Variants in TBC1D24 observed in about 807,000 individuals in gnomAD.
TBC1D24 encodes the protein Infantile myoclonic epilepsy.
A neutral mutation model predicts 50.7 loss-of-function variants in TBC1D24; 47 were observed. The ratio of observed to expected loss-of-function variants is 0.93; its 90% CI spans 0.73 to 1.18. The LOEUF is 1.18. Ranked by LOEUF, TBC1D24 falls within the 50% of genes most tolerant of loss-of-function variation. The pLI is 0.00. For missense variants in TBC1D24, 688 were observed against 766.5 expected (o/e 0.90, Z 1.21); for synonymous variants, 324 against 335.2 (o/e 0.97, Z 0.36).
rs1050982560 is a variant in TBC1D24 at position 2,492,207 on chromosome 16, C to T, written c.-115-3827C>T. 1.5e-4 allele frequency among the ~76,000 whole-genome samples: 23 copies of T among 152,028 alleles called. 1 individual carries two copies. The highest frequency in any genetic ancestry group is 1.4e-3 in the Admixed American group (21 of 15,246). ...TGTGCACAGCCCCAGAAATGTCGTG[C>T]GCTCTTTTTGAGTGAGGGTTTGGGG... On this transcript the variant is annotated intron_variant, in intron 1 of 7. Transcript: ENST00000646147.
Position 2,499,546 on chromosome 16 carries a change from G to T in TBC1D24, c.1206+126G>T. Reference sequence around the variant, plus strand: ...CCTGGGCCAGATCCAGAGTCAGAGCGTGGGTATGGCCAGCACATGGGGCTC... The same window carrying T: ...CCTGGGCCAGATCCAGAGTCAGAGCTTGGGTATGGCCAGCACATGGGGCTC... On this transcript the variant is annotated intron_variant, in intron 5 of 7. Coordinates refer to ENST00000646147, the MANE Select transcript of TBC1D24 (RefSeq NM_001199107.2). This position sits in a 1 kb window ranked among gnomAD's most constrained non-coding sequence, Gnocchi z 4.0. 1 of 882,398 alleles carries T rather than the reference G, an allele frequency of 1.1e-6. No homozygotes were observed. Among genetic ancestry groups the T allele is most frequent in the Non-Finnish European group, 1.8e-6 (1 of 545,520 alleles). 54.7% of individuals were successfully genotyped at this position (882,398 alleles called of 1,614,324 possible).
At position 2,496,453 on chromosome 16, in the gene TBC1D24, C is replaced by T; in HGVS notation, c.305C>T (p.Pro102Leu). The T allele has an allele frequency of 6.2e-7, 1 of 1,612,450 alleles. No homozygotes were observed. The highest frequency in any genetic ancestry group is 2.2e-5 in the East Asian group (1 of 44,886). Residue 102 changes from proline (P) to leucine (L), a missense_variant, in exon 2 of 8, where the codon CCC becomes CTC. Coordinates refer to ENST00000646147, the MANE Select transcript of TBC1D24 (RefSeq NM_001199107.2). ...LPEFVDNTQV[P>L]SYCLNARGEG... ...GAGTTCGTGGACAACACGCAGGTGC[C>T]CAGCTACTGCCTGAATGCACGCGGC... is the stretch of plus-strand genomic sequence containing the variant.
intron 1 of TBC1D24, among the ~76,000 whole-genome samples, chr16:2,491,573 G>A (rs995244301): frequency 9.4e-6 from 1 of 106,076 alleles, no homozygotes; most frequent in Non-Finnish European, 2.0e-5. Context: ...TTTTTTTTTT[G>A]AGATGGAGTC....
intron 1 of TBC1D24, among the ~76,000 whole-genome samples, chr16:2,493,161 CAG>C (rs1221952699): frequency 6.6e-6 from 1 of 151,864 alleles, no homozygotes; most frequent in East Asian, 2.0e-4. Flanking sequence ...TTGTTTGAGA[CAG>C]AGTCTTGCTC....
At position 2,486,455 on chromosome 16, in the gene TBC1D24, G is replaced by A. The variant is rs776126326; in HGVS notation, c.-115-9579G>A. ...GAGGTCCAGCCACACAGAACCCCGC[G>A]TCCTTGATAGCTTGTCAGCTGCTGG... is the stretch of plus-strand genomic sequence containing the variant. On this transcript the variant is annotated intron_variant, in intron 1 of 7. Transcript: ENST00000646147. The surrounding 1 kb of genome is among the most constrained non-coding windows in gnomAD (Gnocchi z 5.8). Among the ~76,000 whole-genome samples the A allele has an allele frequency of 3.0e-3, 461 of 152,352 alleles. 1 individual carries two copies. The highest frequency in any genetic ancestry group is 4.0e-3 in the Non-Finnish European group (270 of 68,032).
chr16:2,499,228 T>A lies in TBC1D24; in HGVS notation c.1143-129T>A, dbSNP rs1451787797. ...GAAGAACACCTGGGTGAGGGTGTTG[T>A]CGGGACCCAGAGAGAAGGAAGCACA... On this transcript the variant is annotated intron_variant, in intron 4 of 7. Coordinates refer to ENST00000646147, the MANE Select transcript of TBC1D24 (RefSeq NM_001199107.2). The surrounding 1 kb of genome is among the most constrained non-coding windows in gnomAD (Gnocchi z 4.0). 1.2e-6 allele frequency: 1 copy of A among 827,744 alleles called. No homozygotes were observed. Among genetic ancestry groups the A allele is most frequent in the Non-Finnish European group, 2.0e-6 (1 of 492,476 alleles). The allele number at this position is 827,744 out of a possible 1,614,324, so 51.3% of individuals were successfully genotyped here. A position where few individuals can be genotyped will look rare whatever the true frequency, so the allele number is the denominator to read the frequency against.
At position 2,503,732 on chromosome 16, in the gene TBC1D24, G is replaced by A. The variant is rs569630169; in HGVS notation, c.*2774G>A. The A allele has an allele frequency of 1.3e-5, 2 of 151,894 alleles. No individual in the cohort carries two copies. Among genetic ancestry groups the A allele is most frequent in the East Asian group, 3.9e-4 (2 of 5,176 alleles). 9.4% of individuals were successfully genotyped at this position (151,894 alleles called of 1,614,324 possible). ...CACCACGCCCAGCTAAATTTTTTTT[G>A]TATTTTTAGTAGAGGCAGGGTTTCA... is the stretch of plus-strand genomic sequence containing the variant. On this transcript the variant is annotated 3_prime_UTR_variant, in exon 8 of 8. Coordinates refer to ENST00000646147, the MANE Select transcript of TBC1D24 (RefSeq NM_001199107.2).
Position 2,482,709 on chromosome 16 carries a change from G to A in TBC1D24, c.-116+7539G>A, listed in dbSNP as rs1008181102. ...GGAGTGTGAATGTTGTGACTGTACC[G>A]GAGACACCTGGGAAGCAGCTGGAGG... On this transcript the variant is annotated intron_variant, in intron 1 of 7. Transcript: ENST00000646147. The surrounding 1 kb of genome is among the most constrained non-coding windows in gnomAD (Gnocchi z 5.2). Among the ~76,000 whole-genome samples, 1 of 152,184 alleles carries A rather than the reference G, an allele frequency of 6.6e-6. No homozygotes were observed. The highest frequency in any genetic ancestry group is 1.5e-5 in the Non-Finnish European group (1 of 68,040).
rs765396824 is a variant in TBC1D24 at position 2,496,292 on chromosome 16, C to T, written c.144C>T (p.His48=). 2.7e-5 allele frequency: 43 copies of T among 1,613,632 alleles called. No homozygotes were observed. Among genetic ancestry groups the T allele is most frequent in the African/African-American group, 8.0e-5 (6 of 74,954 alleles). ...GCCAGGGCTACTGGGCCCAAAGCCA[C>T]GCCCTGCGGGGAAAGGTGTACCAGC... ...LARQGYWAQS[H]ALRGKVYQRL... is the part of the protein sequence containing the mutation. Residue 48 remains histidine (H), a synonymous_variant, in exon 2 of 8, where the codon CAC becomes CAT. Coordinates refer to ENST00000646147, the MANE Select transcript of TBC1D24 (RefSeq NM_001199107.2).
At position 2,499,934 on chromosome 16, in the gene TBC1D24, A is replaced by G. The variant is rs577057829; in HGVS notation, c.1302+4A>G. 2 of 1,613,274 alleles carry G rather than the reference A, an allele frequency of 1.2e-6. No individual in the cohort carries two copies. The highest frequency in any genetic ancestry group is 1.7e-6 in the Non-Finnish European group (2 of 1,179,370). ...CGGAGAATGCTTTGTGTTTAGGGTG[A>G]GTGGGGCCAAGTGTCCCCAAACCCC... On this transcript the variant is annotated splice_donor_region_variant and intron_variant, in intron 6 of 7. Coordinates refer to ENST00000646147, the MANE Select transcript of TBC1D24 (RefSeq NM_001199107.2). This position sits in a 1 kb window ranked among gnomAD's most constrained non-coding sequence, Gnocchi z 4.0.
rs2065659262 is a variant in TBC1D24, at chr16:2,487,410, G to C, written c.-115-8624G>C. Among the ~76,000 whole-genome samples, 1 of 152,274 alleles carries C rather than the reference G, an allele frequency of 6.6e-6. No individual in the cohort carries two copies. Among genetic ancestry groups the C allele is most frequent in the Non-Finnish European group, 1.5e-5 (1 of 68,046 alleles). ...GACCTGGGACAGGAGCGGTCCCCAG[G>C]AAGGGAGGCACGGTGTCGGGGTTGG... On this transcript the variant is annotated intron_variant, in intron 1 of 7. Coordinates refer to ENST00000646147, the MANE Select transcript of TBC1D24 (RefSeq NM_001199107.2). The surrounding 1 kb of genome is among the most constrained non-coding windows in gnomAD (Gnocchi z 4.1).
chr16:2,500,804 G>C lies in TBC1D24; in HGVS notation c.1526G>C (p.Gly509Ala). 1.2e-6 allele frequency: 2 copies of C among 1,603,666 alleles called. No homozygotes were observed. Among genetic ancestry groups the C allele is most frequent in the Non-Finnish European group, 1.7e-6 (2 of 1,179,478 alleles). Reference sequence around the variant, plus strand: ...CGCCACTGACCTGAGCATCCTGCAGGGGGAGGAGGCGGCCAGGCGCTCTAC... The same window carrying C: ...CGCCACTGACCTGAGCATCCTGCAGCGGGAGGAGGCGGCCAGGCGCTCTAC... ...MAGGSDCLIV[G>A]GGGGQALYID... Residue 509 changes from glycine (G) to alanine (A), a missense_variant and splice_region_variant, in exon 8 of 8, where the codon GGG (glycine) becomes GCG (alanine). Transcript: ENST00000646147. The surrounding 1 kb of genome is among the most constrained non-coding windows in gnomAD (Gnocchi z 8.0).
rs749626631 is a variant in TBC1D24 at position 2,499,829 on chromosome 16, C to G, written c.1207-6C>G. 79 of 1,613,472 alleles carry G rather than the reference C, an allele frequency of 4.9e-5. No individual in the cohort carries two copies. Among genetic ancestry groups the G allele is most frequent in the Middle Eastern group, 3.3e-4 (2 of 6,082 alleles). ...GGGCACAGCCTCACCCAGACCTTTC[C>G]CCCAGGTGTGTGGTGCTTACCTGTC... On this transcript the variant is annotated splice_polypyrimidine_tract_variant and splice_region_variant and intron_variant, in intron 5 of 7. Transcript: ENST00000646147. The surrounding 1 kb of genome is among the most constrained non-coding windows in gnomAD (Gnocchi z 4.0).
chr16:2,475,611 C>T lies in TBC1D24; in HGVS notation c.-116+441C>T, dbSNP rs2065560841. ...GGACCTGCAGCGGCCCCGGGCCCCG[C>T]CCCGCCCCGCCCAGGGATGACACAC... On this transcript the variant is annotated intron_variant, in intron 1 of 7. Coordinates refer to ENST00000646147, the MANE Select transcript of TBC1D24 (RefSeq NM_001199107.2). The surrounding 1 kb of genome is among the most constrained non-coding windows in gnomAD (Gnocchi z 4.2). 6.6e-6 allele frequency among the ~76,000 whole-genome samples: 1 copy of T among 151,952 alleles called. No homozygotes were observed. The highest frequency in any genetic ancestry group is 6.5e-5 in the Admixed American group (1 of 15,272).
In TBC1D24 at chr16:2,504,151, G is replaced by A. The variant is rs572395045; in HGVS notation, c.*3193G>A. The A allele has an allele frequency of 3.3e-5, 5 of 152,120 alleles. No homozygotes were observed. Among genetic ancestry groups the A allele is most frequent in the African/African-American group, 4.8e-5 (2 of 41,490 alleles). 9.4% of individuals were successfully genotyped at this position (152,120 alleles called of 1,614,324 possible). ...TTTTCAGTGGAATTTGTTTTAAAACGTTTTGAAGATTTCAGAGGCCTTCAT... is the reference window on the plus strand; with the variant it reads ...TTTTCAGTGGAATTTGTTTTAAAACATTTTGAAGATTTCAGAGGCCTTCAT... On this transcript the variant is annotated 3_prime_UTR_variant, in exon 8 of 8. Transcript: ENST00000646147.
chr16:2,498,165 G>A, intron 3 of TBC1D24, 73 bp from the exon 4 acceptor site: 1 of 1,531,350 alleles, frequency 6.5e-7, no homozygotes, highest in Non-Finnish European at 8.8e-7. Flanking sequence ...AAGAGGCTCT[G>A]GGGCATACCT....
chr16:2,500,963 C>T lies in TBC1D24; in HGVS notation c.*5C>T. 1 of 1,609,334 alleles carries T rather than the reference C, an allele frequency of 6.2e-7. No individual in the cohort carries two copies. Among genetic ancestry groups the T allele is most frequent in the Non-Finnish European group, 8.5e-7 (1 of 1,179,880 alleles). On this transcript the variant is annotated 3_prime_UTR_variant, in exon 8 of 8. Coordinates refer to ENST00000646147, the MANE Select transcript of TBC1D24 (RefSeq NM_001199107.2). The surrounding 1 kb of genome is among the most constrained non-coding windows in gnomAD (Gnocchi z 8.0). The stretch of plus-strand genomic sequence containing the variant: ...CAGGACCCTGACACCCAGTGACGGC[C>T]TGTGCCACGGTGACTGAGCCGTGGT...
chr16:2,498,471 G>C, intron 4 of TBC1D24, 75 bp downstream of exon 4: 1 of 1,427,762 alleles, frequency 7.0e-7, no homozygotes, highest in Non-Finnish European at 9.5e-7. Flanking sequence ...CTGGAAATGG[G>C]CCTCAAACCT....
At chr16:2,495,246 G>A (rs1380512899) in intron 1 of TBC1D24, among the ~76,000 whole-genome samples, 1 of 152,120 alleles carries the variant, frequency 6.6e-6, no homozygotes, top group African/African-American at 2.4e-5. Flanking sequence ...CTCAGCTATA[G>A]CTGAGGTGGG....
Sources: gnomAD v4.1 joint callset for allele counts (sites outside exome capture counted in the v4.1 genomes callset) on GRCh38, gnomAD v4.1.1 for gene constraint, Gnocchi (gnomAD v3.1) non-coding constraint, MANE v1.5 for transcripts, NCBI Gene and HGNC (gene_info 2026-07-23, HGNC 2026-07-21) for gene names.